The following ANK3 variants were observed in gnomAD, a reference collection of about 807,000 sequenced individuals.
ANK3 encodes the protein ankyrin-3.
ANK3 carries 57 observed loss-of-function variants against 370.9 expected under a neutral mutation model. The ratio of observed to expected loss-of-function variants is 0.15; its 90% CI spans 0.12 to 0.19. The LOEUF (loss-of-function observed/expected upper bound fraction) is 0.19, where lower values mean the gene tolerates loss of function less well. Among genes scored for constraint, ANK3 ranks in the 10% least tolerant of loss-of-function variants. ANK3 has a pLI of 1.00. For missense variants in ANK3, 4,439 were observed against 5,302.1 expected, an observed-to-expected ratio of 0.84 and a Z score of 5.06; for synonymous variants, 1,929 against 1,946.3, an observed-to-expected ratio of 0.99 and a Z score of 0.23.
Position 60,072,126 on chromosome 10 carries a change from T to C in ANK3, c.8755A>G (p.Met2919Val), listed in dbSNP as rs762441225. Residue 2919 changes from methionine (M) to valine (V), a missense_variant, in exon 37 of 44, where the codon ATG becomes GTG. Transcript: ENST00000280772. ...TTTTTGGAGGGAGATTTTACAGTCA[T>C]TTCTTTAATTTCTGAGAGAGAGCCG... ...TNGSLSEIKE[M>V]TVKSPSKKVL... The C allele has an allele frequency of 1.2e-6, 2 of 1,614,008 alleles. No homozygotes were observed. Among genetic ancestry groups the C allele is most frequent in the East Asian group, 4.5e-5 (2 of 44,874 alleles).
intron 35 of ANK3, 167 bp downstream of exon 35, chr10:60,081,982 TG>T: frequency 2.2e-6 from 1 of 464,798 alleles, no homozygotes; most frequent in East Asian, 3.3e-5. Flanking sequence ...TAAGTACGTG[TG>T]GAAGAAGAGT....
At chr10:60,534,472 A>G (rs1269424915) in intron 2 of ANK3, among the ~76,000 whole-genome samples, 1 of 152,144 alleles carries the variant, frequency 6.6e-6, no homozygotes, top group Non-Finnish European at 1.5e-5. Flanking sequence ...GCAATAAGTC[A>G]AAGAATTCTT....
chr10:60,715,394 A>C (rs144280662), intron 1 of ANK3, among the ~76,000 whole-genome samples: 130 of 152,310 alleles, frequency 8.5e-4, no homozygotes, highest in African/African-American at 2.9e-3. Context: ...ACAAGCTCTG[A>C]AAATACACAC....
intron 2 of ANK3, among the ~76,000 whole-genome samples, chr10:60,442,217 T>C (rs1049841616): frequency 6.6e-6 from 1 of 151,704 alleles, no homozygotes; most frequent in East Asian, 1.9e-4. Context: ...TGTCTCGGCC[T>C]TTCCAGTAGC....
At chr10:60,334,550 C>T (rs754164576) in intron 1 of ANK3, among the ~76,000 whole-genome samples, 1 of 152,082 alleles carries the variant, frequency 6.6e-6, no homozygotes, top group African/African-American at 2.4e-5. Flanking sequence ...CTGATTGATC[C>T]CAAGTTGCTG....
chr10:60,505,388 G>T (rs1359672551), intron 2 of ANK3, among the ~76,000 whole-genome samples: 3 of 151,894 alleles, frequency 2.0e-5, no homozygotes, highest in Non-Finnish European at 4.4e-5. Context: ...CATCTCATTT[G>T]CCTAATATTT....
intron 2 of ANK3, among the ~76,000 whole-genome samples, chr10:60,402,764 CAACA>C (rs2063377848): frequency 6.6e-6 from 1 of 152,204 alleles, no homozygotes; most frequent in African/African-American, 2.4e-5. Flanking sequence ...CCACCCCAGA[CAACA>C]GCCAGCCAAG....
intron 9 of ANK3, 46 bp from the exon 10 acceptor site, chr10:60,208,279 C>A: frequency 6.5e-7 from 1 of 1,546,120 alleles, no homozygotes; most frequent in African/African-American, 1.4e-5. Context: ...ACCTTTTAAA[C>A]ACAAATGTGC....
At chr10:60,198,715 T>C (rs2096625146) in intron 13 of ANK3, among the ~76,000 whole-genome samples, 178 bp from the exon 14 acceptor site, 2 of 152,230 alleles carry the variant, frequency 1.3e-5, no homozygotes, top group Admixed American at 1.3e-4. Flanking sequence ...ATGGTAGCTC[T>C]AAGCTAATTA....
chr10:60,202,945 C>T (rs1416885827), intron 12 of ANK3, 57 bp downstream of exon 12: 3 of 1,267,728 alleles, frequency 2.4e-6, no homozygotes, highest in East Asian at 2.4e-5. Flanking sequence ...ATAAAAACCA[C>T]CTTTGCCAGT....
chr10:60,434,405 A>C (rs2064106982), intron 2 of ANK3, among the ~76,000 whole-genome samples: 1 of 152,256 alleles, frequency 6.6e-6, no homozygotes, highest in South Asian at 2.1e-4. Flanking sequence ...AATAGAGTAC[A>C]TGAAGTCACT....
chr10:60,312,072 C>T (rs748298168), intron 1 of ANK3, among the ~76,000 whole-genome samples: 10 of 152,078 alleles, frequency 6.6e-5, no homozygotes, highest in African/African-American at 9.7e-5. Flanking sequence ...TCAGAGTTTG[C>T]GGGCAGGAAT....
chr10:60,721,184 A>G (rs900431542), intron 1 of ANK3, among the ~76,000 whole-genome samples: 11 of 152,236 alleles, frequency 7.2e-5, no homozygotes, highest in African/African-American at 2.7e-4. Flanking sequence ...AAGTACTATA[A>G]CACTATAGAA....
chr10:60,269,413 A>G (rs1002330967), intron 5 of ANK3, among the ~76,000 whole-genome samples: 1 of 152,108 alleles, frequency 6.6e-6, no homozygotes, highest in Non-Finnish European at 1.5e-5. Flanking sequence ...TGAGAGGCCG[A>G]GGCGGGTGGA....
Position 60,146,100 on chromosome 10 carries a change from T to C in ANK3, c.2615-7013A>G, listed in dbSNP as rs1303385698. ...CCACAGATCAGTCATATAAGCTCTA[T>C]GTTCCATCCACCAGAAACAGTATTG... On this transcript the variant is annotated intron_variant, in intron 23 of 43. Transcript: ENST00000280772. 1.1e-5 allele frequency: 16 copies of C among 1,510,138 alleles called. No individual in the cohort carries two copies. In the South Asian group the frequency reaches 1.4e-4, roughly 13 times the overall value. The allele number at this position is 1,510,138 out of a possible 1,614,324, so 93.5% of individuals were successfully genotyped here.
chr10:60,429,588 C>G (rs903644944), intron 2 of ANK3, among the ~76,000 whole-genome samples: 9 of 152,134 alleles, frequency 5.9e-5, no homozygotes, highest in African/African-American at 1.9e-4. Context: ...TAGAGATGAA[C>G]AGTGGGAACA....
At chr10:60,093,593 G>A (rs1273013279) in intron 28 of ANK3, among the ~76,000 whole-genome samples, 2 of 152,158 alleles carry the variant, frequency 1.3e-5, no homozygotes, top group Non-Finnish European at 2.9e-5. Context: ...CATTTGTGAG[G>A]ATTAAAAGTA....
At chr10:60,707,638 ATAGAT>A (rs1312524485) in intron 1 of ANK3, among the ~76,000 whole-genome samples, 6 of 151,022 alleles carry the variant, frequency 4.0e-5, no homozygotes, top group Non-Finnish European at 8.9e-5. Context: ...TAAATTTTAT[ATAGAT>A]TATAGATTTA....
At chr10:60,280,354 C>A (rs1030055308) in intron 1 of ANK3, among the ~76,000 whole-genome samples, 1 of 152,148 alleles carries the variant, frequency 6.6e-6, no homozygotes, top group Non-Finnish European at 1.5e-5. Context: ...CCCAACTTAA[C>A]CCATTATATG....
Sources: gnomAD v4.1 joint callset for allele counts (sites outside exome capture counted in the v4.1 genomes callset) on GRCh38, gnomAD v4.1.1 for gene constraint, MANE v1.5 for transcripts, NCBI Gene and HGNC (gene_info 2026-07-23, HGNC 2026-07-21) for gene names.